USH2A: variants seen among roughly 807,000 people sequenced by gnomAD.
The protein encoded by USH2A is usherin.
A neutral mutation model predicts 538.9 loss-of-function variants in USH2A; 443 were observed. That is an observed-to-expected ratio of 0.82 (90% CI 0.76 to 0.89). USH2A has a LOEUF of 0.89. USH2A is among the 40% of genes least tolerant of loss of function. The probability of loss-of-function intolerance (pLI) is 0.00; values close to 1 mark genes in which losing one functional copy is unlikely to be tolerated. For missense variants in USH2A, 6,633 were observed against 6,324.8 expected (o/e 1.05, Z -1.65); for synonymous variants, 2,413 against 2,273.5 (o/e 1.06, Z -1.75).
At chr1:216,293,817 C>T (rs1195583967) in intron 9 of USH2A, among the ~76,000 whole-genome samples, 3 of 152,062 alleles carry the variant, frequency 2.0e-5, no homozygotes, top group East Asian at 1.9e-4. Context: ...AAAAAATAAA[C>T]GTGATCGGTC....
At chr1:215,784,079 C>A (rs1410395642) in intron 52 of USH2A, among the ~76,000 whole-genome samples, 1 of 152,120 alleles carries the variant, frequency 6.6e-6, no homozygotes, top group African/African-American at 2.4e-5. Context: ...GGGGTATCTG[C>A]CACTTGTTGC....
chr1:216,045,177 A>C (rs1269055727), intron 32 of USH2A, among the ~76,000 whole-genome samples: 2 of 152,156 alleles, frequency 1.3e-5, no homozygotes, highest in Non-Finnish European at 1.5e-5. Flanking sequence ...TTTATGAAGA[A>C]GTTAATATCT....
rs2102642116 is a variant in USH2A, at chr1:215,647,586, C to A, written c.14727G>T (p.Val4909=). 1 of 1,614,144 alleles carries A rather than the reference C, an allele frequency of 6.2e-7. No individual in the cohort carries two copies. The highest frequency in any genetic ancestry group is 8.5e-7 in the Non-Finnish European group (1 of 1,180,014). ...TACTGCCCACCTCGTTGTGTGCCACCACTCTCAGCTTGTATGTGGTGTAGG... is the reference window on the plus strand; with the variant it reads ...TACTGCCCACCTCGTTGTGTGCCACAACTCTCAGCTTGTATGTGGTGTAGG... ...LQPYTTYKLR[V]VAHNEVGSTA... Residue 4909 remains valine, a synonymous_variant, in exon 67 of 72, where the codon GTG becomes GTT. Coordinates refer to ENST00000307340, the MANE Select transcript of USH2A (RefSeq NM_206933.4).
chr1:215,980,533 T>C (rs187834916), intron 35 of USH2A, among the ~76,000 whole-genome samples: 56 of 152,134 alleles, frequency 3.7e-4, no homozygotes, highest in African/African-American at 1.3e-3. Context: ...GTTGAAAAAA[T>C]AGAATGTTGC....
In USH2A at chr1:215,826,557, C is replaced by T. The variant is rs368606757; in HGVS notation, c.9372-9362G>A. Among the ~76,000 whole-genome samples, 75 of 152,186 alleles carry T rather than the reference C, an allele frequency of 4.9e-4. 1 individual carries two copies. In the South Asian group the frequency reaches 0.013, roughly 27 times the overall value. ...AATGATAGAATCTTTGAACTAGATG[C>T]GAGGCTAATATTTTGATGGTGATGG... On this transcript the variant is annotated intron_variant, in intron 47 of 71. Coordinates refer to ENST00000307340, the MANE Select transcript of USH2A (RefSeq NM_206933.4).
At chr1:216,228,734 C>T (rs138962079) in intron 14 of USH2A, among the ~76,000 whole-genome samples, 62 of 151,858 alleles carry the variant, frequency 4.1e-4, no homozygotes, top group East Asian at 4.1e-3. Context: ...AGCATGAAAA[C>T]GGACTAATAC....
chr1:216,382,422 A>C (rs1201449837), intron 3 of USH2A, among the ~76,000 whole-genome samples: 2 of 152,330 alleles, frequency 1.3e-5, no homozygotes, highest in African/African-American at 4.8e-5. Context: ...AAGACTAGAC[A>C]GCTCAGTGTT....
At chr1:216,180,024 T>C (rs1419087899) in intron 20 of USH2A, among the ~76,000 whole-genome samples, 5 of 152,104 alleles carry the variant, frequency 3.3e-5, no homozygotes, top group African/African-American at 1.2e-4. Flanking sequence ...ACATTTTCAG[T>C]GACATACATT....
intron 55 of USH2A, among the ~76,000 whole-genome samples, chr1:215,773,076 A>G (rs1558091447): frequency 2.0e-5 from 3 of 152,182 alleles, no homozygotes; most frequent in Admixed American, 1.3e-4. Flanking sequence ...AAGGTATGGG[A>G]GTCCTCGGTA....
At chr1:215,750,548 C>T (rs904621766) in intron 58 of USH2A, among the ~76,000 whole-genome samples, 4 of 152,160 alleles carry the variant, frequency 2.6e-5, no homozygotes, top group Non-Finnish European at 4.4e-5. Context: ...GTTACTGGGT[C>T]GACTGATCCT....
At chr1:216,042,169 A>T (rs982135829) in intron 32 of USH2A, among the ~76,000 whole-genome samples, 2 of 152,076 alleles carry the variant, frequency 1.3e-5, no homozygotes. Context: ...GATAGGATAT[A>T]GTCATAATAT....
chr1:216,249,681 G>T (rs111891800), intron 12 of USH2A, among the ~76,000 whole-genome samples: 1 of 152,066 alleles, frequency 6.6e-6, no homozygotes, highest in African/African-American at 2.4e-5. Context: ...GAGAAATCTC[G>T]TGTAATGCCA....
At position 215,766,569 on chromosome 1, in the gene USH2A, A is replaced by G. The variant is rs1571664741; in HGVS notation, c.11047+112T>C. On this transcript the variant is annotated intron_variant, in intron 56 of 71. Coordinates refer to ENST00000307340, the MANE Select transcript of USH2A (RefSeq NM_206933.4). ...AACCTAGAATGCTATTTTATTTTGT[A>G]CCTATCAACTTTATTGCCTCTTCCT... 21 of 992,208 alleles carry G rather than the reference A, an allele frequency of 2.1e-5. 1 individual carries two copies. In the South Asian group the frequency reaches 2.5e-4, roughly 12 times the overall value. 61.5% of individuals were successfully genotyped at this position (992,208 alleles called of 1,614,324 possible). A position where few individuals can be genotyped will look rare whatever the true frequency, so the allele number is the denominator to read the frequency against.
At chr1:215,887,622 C>A (rs1194082187) in intron 41 of USH2A, among the ~76,000 whole-genome samples, 3 of 152,184 alleles carry the variant, frequency 2.0e-5, no homozygotes, top group Non-Finnish European at 4.4e-5. Flanking sequence ...TTAAATTTCT[C>A]CAACAATTTA....
In USH2A at chr1:215,804,269, C is replaced by A. The variant is rs545584408; in HGVS notation, c.9740-5144G>T. Among the ~76,000 whole-genome samples the A allele has an allele frequency of 3.9e-3, 596 of 151,890 alleles. 5 individuals are homozygous for A. The highest frequency in any genetic ancestry group is 0.013 in the African/African-American group (528 of 41,424). On this transcript the variant is annotated intron_variant, in intron 49 of 71. Coordinates refer to ENST00000307340, the MANE Select transcript of USH2A (RefSeq NM_206933.4). Reference sequence around the variant, plus strand: ...ACACCAAAAGCAATGGCAACAAAAGCCAAAATTGACAAATGGGATCTAATT... The same window carrying A: ...ACACCAAAAGCAATGGCAACAAAAGACAAAATTGACAAATGGGATCTAATT...
chr1:216,333,960 A>G lies in USH2A; in HGVS notation c.785-6306T>C, dbSNP rs367931177. Among the ~76,000 whole-genome samples the G allele has an allele frequency of 7.0e-4, 107 of 152,238 alleles. 2 individuals are homozygous for G. The East Asian group carries it at 0.018, about 26-fold the overall frequency. On this transcript the variant is annotated intron_variant, in intron 4 of 71. Coordinates refer to ENST00000307340, the MANE Select transcript of USH2A (RefSeq NM_206933.4). ...GACTTGCTCTACAAGAAATACCAAAAGAAGTCCTTCTGGCTGATATGATAG... is the reference window on the plus strand; with the variant it reads ...GACTTGCTCTACAAGAAATACCAAAGGAAGTCCTTCTGGCTGATATGATAG...
At chr1:215,903,836 T>C (rs1429854764) in intron 38 of USH2A, among the ~76,000 whole-genome samples, 1 of 152,078 alleles carries the variant, frequency 6.6e-6, no homozygotes, top group Non-Finnish European at 1.5e-5. Context: ...AGTAAAAGTG[T>C]GGCATGACTA....
intron 44 of USH2A, among the ~76,000 whole-genome samples, chr1:215,856,744 A>T (rs903433804): frequency 1.3e-5 from 2 of 152,138 alleles, no homozygotes; most frequent in Non-Finnish European, 2.9e-5. Flanking sequence ...ATACTTACAC[A>T]TGCATGTTTA....
rs1282068032 is a variant in USH2A at position 215,922,284 on chromosome 1, G to A, written c.7300+12332C>T. On this transcript the variant is annotated intron_variant, in intron 38 of 71. Transcript: ENST00000307340. ...GTAGGGCTGATTAGTGTTCCCCAGT[G>A]CATAAAACATCATGCCTGTTGCTTT... is the stretch of plus-strand genomic sequence containing the variant. Among the ~76,000 whole-genome samples, 5 of 152,234 alleles carry A rather than the reference G, an allele frequency of 3.3e-5. No homozygotes were observed. The South Asian group carries it at 8.3e-4, about 25-fold the overall frequency.
Sources: gnomAD v4.1 joint callset for allele counts (sites outside exome capture counted in the v4.1 genomes callset) on GRCh38, gnomAD v4.1.1 for gene constraint, MANE v1.5 for transcripts, NCBI Gene and HGNC (gene_info 2026-07-23, HGNC 2026-07-21) for gene names.